RALYL: variants seen among roughly 807,000 people sequenced by gnomAD.
The protein encoded by RALYL is RALY RNA binding protein like.
RALYL carries 29 observed loss-of-function variants against 35.1 expected under a neutral mutation model. That is an observed-to-expected ratio of 0.83 (90% CI 0.61 to 1.13). RALYL has a LOEUF of 1.13. RALYL is among the 50% of genes most tolerant of loss of function. RALYL has a pLI of 0.00. For synonymous variants in RALYL, 120 were observed against 127.6 expected (o/e 0.94, Z 0.40); for missense variants, 359 against 360.4 (o/e 1.00, Z 0.03).
intron 2 of RALYL, among the ~76,000 whole-genome samples, chr8:84,673,596 G>T (rs904919457): frequency 3.3e-5 from 5 of 152,094 alleles, no homozygotes; most frequent in African/African-American, 1.2e-4. Context: ...TTCTGCATAT[G>T]GCTAGCCTGT....
chr8:84,745,652 T>C (rs1808436556), intron 2 of RALYL, among the ~76,000 whole-genome samples: 1 of 152,060 alleles, frequency 6.6e-6, no homozygotes, highest in African/African-American at 2.4e-5. Context: ...AAGTATCTCT[T>C]ATTTTATAAA....
At chr8:84,424,061 G>T (rs1030041615) in intron 1 of RALYL, among the ~76,000 whole-genome samples, 19 of 151,934 alleles carry the variant, frequency 1.3e-4, no homozygotes, top group African/African-American at 3.4e-4. Context: ...TATCTTTGTG[G>T]CGTTCTCTCT....
chr8:84,791,995 G>A (rs1820894164), intron 3 of RALYL, among the ~76,000 whole-genome samples: 1 of 152,200 alleles, frequency 6.6e-6, no homozygotes, highest in Non-Finnish European at 1.5e-5. Flanking sequence ...GGGAGGGGGA[G>A]CATGCAAACA....
chr8:84,486,275 T>A (rs1255888179), intron 1 of RALYL, among the ~76,000 whole-genome samples: 4 of 129,896 alleles, frequency 3.1e-5, no homozygotes, highest in African/African-American at 1.1e-4. Context: ...TTTGTCATGA[T>A]TATATATACA....
At chr8:84,698,899 A>G (rs1333031578) in intron 2 of RALYL, among the ~76,000 whole-genome samples, 2 of 152,098 alleles carry the variant, frequency 1.3e-5, no homozygotes, top group East Asian at 1.9e-4. Context: ...TTCTCTAGCT[A>G]CAATCTGGCC....
At chr8:84,729,436 G>A (rs1177528118) in intron 2 of RALYL, among the ~76,000 whole-genome samples, 1 of 151,968 alleles carries the variant, frequency 6.6e-6, no homozygotes, top group East Asian at 1.9e-4. Context: ...AAGCAGGAAA[G>A]ATCCAAAATT....
chr8:84,725,107 A>G (rs900828363), intron 2 of RALYL, among the ~76,000 whole-genome samples: 3 of 151,630 alleles, frequency 2.0e-5, no homozygotes, highest in Non-Finnish European at 4.4e-5. Flanking sequence ...TCTACTGCCT[A>G]AGATCTGCCT....
At chr8:84,912,489 G>A (rs1847673789) in intron 8 of RALYL, among the ~76,000 whole-genome samples, 2 of 152,048 alleles carry the variant, frequency 1.3e-5, no homozygotes, top group Non-Finnish European at 2.9e-5. Context: ...GTGCACATAT[G>A]CAAGTAAATA....
chr8:84,424,997 C>G (rs1335947752), intron 1 of RALYL, among the ~76,000 whole-genome samples: 2 of 151,992 alleles, frequency 1.3e-5, no homozygotes, highest in African/African-American at 4.8e-5. Context: ...TTACTGCTGT[C>G]TTTTTGTTTG....
At chr8:84,228,708 A>C (rs528327290) in intron 1 of RALYL, among the ~76,000 whole-genome samples, 1 of 152,314 alleles carries the variant, frequency 6.6e-6, no homozygotes, top group Non-Finnish European at 1.5e-5. Context: ...CATAAAGAAA[A>C]GAGGTTTAAT....
intron 4 of RALYL, among the ~76,000 whole-genome samples, chr8:84,839,782 C>T (rs1252018446): frequency 6.6e-6 from 1 of 152,204 alleles, no homozygotes; most frequent in Non-Finnish European, 1.5e-5. Context: ...TCCAGAGGAA[C>T]GATCAGGCAG....
intron 2 of RALYL, among the ~76,000 whole-genome samples, chr8:84,656,325 T>C (rs749106583): frequency 5.3e-5 from 8 of 152,150 alleles, no homozygotes; most frequent in Non-Finnish European, 1.0e-4. Flanking sequence ...AGCAACTCTT[T>C]TGGCAACCTT....
chr8:84,340,397 A>T (rs1340177024), intron 1 of RALYL, among the ~76,000 whole-genome samples: 1 of 152,120 alleles, frequency 6.6e-6, no homozygotes, highest in Non-Finnish European at 1.5e-5. Flanking sequence ...TAATCATCTT[A>T]CATAACTGAA....
intron 4 of RALYL, among the ~76,000 whole-genome samples, chr8:84,845,792 T>A (rs1332911443): frequency 6.6e-6 from 1 of 152,236 alleles, no homozygotes. Context: ...TACATTTAAA[T>A]ATTCAATCTA....
chr8:84,569,120 C>A (rs56385619), intron 2 of RALYL, among the ~76,000 whole-genome samples: 7,157 of 151,776 alleles, frequency 0.047, 233 homozygotes, highest in Non-Finnish European at 0.076. Context: ...GAAGTCCTTG[C>A]CCATGCCTAT....
intron 1 of RALYL, among the ~76,000 whole-genome samples, chr8:84,470,844 A>G (rs980413526): frequency 8.5e-5 from 13 of 152,220 alleles, no homozygotes; most frequent in Non-Finnish European, 1.8e-4. Context: ...TTACACACCA[A>G]TGAATTACAA....
intron 1 of RALYL, among the ~76,000 whole-genome samples, chr8:84,371,014 AC>A (rs1275015680): frequency 6.6e-6 from 1 of 152,014 alleles, no homozygotes. Flanking sequence ...AAATTAAAGA[AC>A]TGAGCAAACA....
chr8:84,539,854 GTATATATATA>G (rs1294869865), intron 2 of RALYL, among the ~76,000 whole-genome samples: 4 of 24,198 alleles, frequency 1.7e-4, no homozygotes, highest in Admixed American at 5.1e-4. Context: ...ATATATATAT[GTATATATATA>G]TATATATATA....
intron 2 of RALYL, among the ~76,000 whole-genome samples, chr8:84,552,398 A>G (rs1264648787): frequency 2.5e-5 from 3 of 118,594 alleles, no homozygotes; most frequent in Non-Finnish European, 5.0e-5. Flanking sequence ...GAGAAAGCAG[A>G]GACAGCAAAG....
Sources: gnomAD v4.1 joint callset for allele counts (sites outside exome capture counted in the v4.1 genomes callset) on GRCh38, gnomAD v4.1.1 for gene constraint, MANE v1.5 for transcripts, NCBI Gene and HGNC (gene_info 2026-07-23, HGNC 2026-07-21) for gene names.